TBXAS1: variants seen among roughly 807,000 people sequenced by gnomAD.
TBXAS1 encodes thromboxane-A synthase.
A neutral mutation model predicts 60.7 loss-of-function variants in TBXAS1; 48 were observed. The observed-to-expected ratio is 0.79, with a 90% confidence interval of 0.63 to 1.01. The LOEUF (loss-of-function observed/expected upper bound fraction) is 1.01. Among genes scored for constraint, TBXAS1 ranks in the 50% least tolerant of loss-of-function variants. The pLI is 0.00. For synonymous variants in TBXAS1, 287 were observed against 269.7 expected, an observed-to-expected ratio of 1.06 and a Z score of -0.63; for missense variants, 685 against 686.3, an observed-to-expected ratio of 1.00 and a Z score of 0.02.
chr7:139,835,257 A>G (rs1310735083), intron 1 of TBXAS1, among the ~76,000 whole-genome samples: 1 of 151,764 alleles, frequency 6.6e-6, no homozygotes, highest in African/African-American at 2.4e-5. Flanking sequence ...TTTAGTAGAG[A>G]TGGGGTTTCA....
chr7:139,856,384 T>A (rs1800585579), intron 1 of TBXAS1, among the ~76,000 whole-genome samples: 1 of 152,160 alleles, frequency 6.6e-6, no homozygotes, highest in African/African-American at 2.4e-5. Context: ...GGCGTTCTCA[T>A]GGGCCAGGAC....
At chr7:139,909,096 T>A (rs1569512031) in intron 3 of TBXAS1, among the ~76,000 whole-genome samples, 1 of 152,214 alleles carries the variant, frequency 6.6e-6, no homozygotes, top group Non-Finnish European at 1.5e-5. Flanking sequence ...GTTTTCAAGA[T>A]GTTTTTCTTT....
At chr7:140,002,800 G>C (rs1813765876) in intron 9 of TBXAS1, among the ~76,000 whole-genome samples, 1 of 152,138 alleles carries the variant, frequency 6.6e-6, no homozygotes, top group Non-Finnish European at 1.5e-5. Context: ...TAGGGCCCAA[G>C]CATCCATCTA....
At chr7:139,906,660 C>T (rs919919450) in intron 3 of TBXAS1, among the ~76,000 whole-genome samples, 2 of 152,152 alleles carry the variant, frequency 1.3e-5, no homozygotes, top group African/African-American at 4.8e-5. Flanking sequence ...TACAAATATT[C>T]TTGCTGAGAC....
chr7:139,818,102 G>A lies in TBXAS1; in HGVS notation c.-79-11210G>A, dbSNP rs369984644. 1.2e-4 allele frequency among the ~76,000 whole-genome samples: 19 copies of A among 152,296 alleles called. No individual in the cohort carries two copies. The South Asian group carries it at 2.5e-3, about 20-fold the overall frequency. Reference sequence around the variant, plus strand: ...TCAAAAAGCTTACATCTAGAGTGTTGGTAGAGGCAAGCTCACTGAGTAGGA... The same window carrying A: ...TCAAAAAGCTTACATCTAGAGTGTTAGTAGAGGCAAGCTCACTGAGTAGGA... On this transcript the variant is annotated intron_variant, in intron 4 of 16. Transcript: ENST00000336425.
chr7:139,993,480 A>ACTG, intron 9 of TBXAS1, among the ~76,000 whole-genome samples: 1 of 152,368 alleles, frequency 6.6e-6, no homozygotes, highest in Middle Eastern at 3.4e-3. Flanking sequence ...GCCAAAGCTT[A>ACTG]CTGCTCAAGT....
At chr7:139,970,964 A>T (rs1293641783) in intron 9 of TBXAS1, among the ~76,000 whole-genome samples, 1 of 152,148 alleles carries the variant, frequency 6.6e-6, no homozygotes, top group African/African-American at 2.4e-5. Flanking sequence ...GGTTGTAGAC[A>T]GTAGCTTCGG....
chr7:139,940,568 C>T (rs2117224693), intron 5 of TBXAS1, among the ~76,000 whole-genome samples: 1 of 152,234 alleles, frequency 6.6e-6, no homozygotes, highest in South Asian at 2.1e-4. Flanking sequence ...GGTCCCCTCT[C>T]TGACCACCTC....
intron 4 of TBXAS1, among the ~76,000 whole-genome samples, chr7:139,815,604 C>T (rs1798126478): frequency 6.6e-6 from 1 of 152,186 alleles, no homozygotes; most frequent in South Asian, 2.1e-4. Flanking sequence ...CTTATGTTAC[C>T]TCATCTTCCA....
At chr7:140,003,293 C>A (rs1194928156) in intron 9 of TBXAS1, among the ~76,000 whole-genome samples, 1 of 152,006 alleles carries the variant, frequency 6.6e-6, no homozygotes, top group Non-Finnish European at 1.5e-5. Flanking sequence ...CAACCTCCAC[C>A]TCCCGGTTCA....
chr7:140,002,517 GAAAGCTGCAGAC>G (rs938395024), intron 9 of TBXAS1, among the ~76,000 whole-genome samples: 1 of 151,772 alleles, frequency 6.6e-6, no homozygotes, highest in African/African-American at 2.4e-5. Flanking sequence ...TGCTATTCCT[GAAAGCTGCAGAC>G]AAAGCCAGCA....
At chr7:139,859,132 C>T (rs1391045976) in intron 1 of TBXAS1, among the ~76,000 whole-genome samples, 15 of 152,078 alleles carry the variant, frequency 9.9e-5, no homozygotes, top group Admixed American at 9.8e-4. Context: ...GCCTCTGCCT[C>T]CCAAAGTGCT....
chr7:139,961,443 AG>A (rs1810331355), intron 8 of TBXAS1, among the ~76,000 whole-genome samples: 2 of 152,338 alleles, frequency 1.3e-5, no homozygotes, highest in African/African-American at 4.8e-5. Context: ...AAAAAATAAA[AG>A]CCCCCCTCCT....
At chr7:139,980,210 A>G (rs552124419) in intron 9 of TBXAS1, among the ~76,000 whole-genome samples, 7 of 152,254 alleles carry the variant, frequency 4.6e-5, no homozygotes, top group African/African-American at 1.7e-4. Context: ...TATCCTGTTA[A>G]ATTTCCATAC....
intron 3 of TBXAS1, among the ~76,000 whole-genome samples, chr7:139,903,872 A>T (rs1306942436): frequency 1.3e-5 from 2 of 151,794 alleles, no homozygotes; most frequent in African/African-American, 2.4e-5. Context: ...AGATATATAG[A>T]TTGTGAAGAT....
chr7:139,815,858 G>T (rs190730778), intron 4 of TBXAS1, among the ~76,000 whole-genome samples: 3 of 152,308 alleles, frequency 2.0e-5, no homozygotes, highest in Admixed American at 2.0e-4. Flanking sequence ...AACCAAGTTG[G>T]AAACAGTTCA....
chr7:139,978,664 G>A (rs1403019953), intron 9 of TBXAS1, among the ~76,000 whole-genome samples: 5 of 151,090 alleles, frequency 3.3e-5, no homozygotes, highest in African/African-American at 7.3e-5. Context: ...AGCAACTGGC[G>A]CAGTGGTTCA....
At chr7:139,787,906 T>A (rs1472456079) in intron 4 of TBXAS1, among the ~76,000 whole-genome samples, 1 of 152,260 alleles carries the variant, frequency 6.6e-6, no homozygotes, top group Non-Finnish European at 1.5e-5. Context: ...TATATTGAGA[T>A]ACAGTTACTA....
chr7:139,825,152 C>T (rs1383651234), upstream of TBXAS1, among the ~76,000 whole-genome samples: 3 of 151,438 alleles, frequency 2.0e-5, no homozygotes, highest in Non-Finnish European at 4.4e-5. Context: ...TTTTAATAGA[C>T]ATATTAGTAA....
Sources: gnomAD v4.1 joint callset for allele counts (sites outside exome capture counted in the v4.1 genomes callset) on GRCh38, gnomAD v4.1.1 for gene constraint, MANE v1.5 for transcripts, NCBI Gene and HGNC (gene_info 2026-07-23, HGNC 2026-07-21) for gene names.